Variants in MALRD1 observed in about 807,000 individuals in gnomAD.
The protein encoded by MALRD1 is MAM and LDL-receptor class A domain-containing protein 1.
In MALRD1, 247 loss-of-function variants were observed where a neutral mutation model predicts 242.1. The observed-to-expected ratio is 1.02, with a 90% confidence interval of 0.92 to 1.13. The LOEUF (loss-of-function observed/expected upper bound fraction) is 1.13. Among genes scored for constraint, MALRD1 ranks in the 50% most tolerant of loss-of-function variants. The pLI is 0.00. For synonymous variants in MALRD1, 995 were observed against 866.6 expected, an observed-to-expected ratio of 1.15 and a Z score of -2.60; for missense variants, 2,989 against 2,533.1, an observed-to-expected ratio of 1.18 and a Z score of -3.86.
intron 27 of MALRD1, 83 bp from the exon 28 acceptor site, chr10:19,389,369 A>G (rs1223140391): frequency 1.4e-5 from 20 of 1,391,722 alleles, no homozygotes; most frequent in East Asian, 2.5e-5. Context: ...AATTGTAATT[A>G]AAGACCCTAA....
At chr10:19,466,222 A>G (rs1836212049) in intron 29 of MALRD1, among the ~76,000 whole-genome samples, 1 of 152,086 alleles carries the variant, frequency 6.6e-6, no homozygotes, top group South Asian at 2.1e-4. Context: ...CATTAACTAT[A>G]TTAACCTTTT....
chr10:19,649,002 G>C (rs1364550316), intron 36 of MALRD1, among the ~76,000 whole-genome samples: 1 of 152,112 alleles, frequency 6.6e-6, no homozygotes, highest in South Asian at 2.1e-4. Flanking sequence ...TTGGTTTCCT[G>C]TTCCTGCGTT....
intron 21 of MALRD1, among the ~76,000 whole-genome samples, chr10:19,318,402 C>T (rs975475419): frequency 6.6e-6 from 1 of 151,266 alleles, no homozygotes; most frequent in Admixed American, 6.6e-5. Flanking sequence ...AGGGGTATTT[C>T]AGAGATATAT....
chr10:19,653,850 T>C (rs1475285425), intron 36 of MALRD1, among the ~76,000 whole-genome samples: 1 of 152,160 alleles, frequency 6.6e-6, no homozygotes, highest in Non-Finnish European at 1.5e-5. Flanking sequence ...TTCTCCTCTA[T>C]TTTTTTGAGA....
intron 28 of MALRD1, among the ~76,000 whole-genome samples, chr10:19,396,930 A>G (rs1846610584): frequency 6.6e-6 from 1 of 152,212 alleles, no homozygotes; most frequent in Non-Finnish European, 1.5e-5. Flanking sequence ...TTTTAAAATC[A>G]TGCTTAATAT....
At chr10:19,554,076 G>A (rs1835608523) in intron 32 of MALRD1, among the ~76,000 whole-genome samples, 1 of 152,182 alleles carries the variant, frequency 6.6e-6, no homozygotes. Flanking sequence ...CAGGCAGTAA[G>A]CAGAAGATGT....
At chr10:19,538,436 T>C (rs1834782806) in intron 32 of MALRD1, among the ~76,000 whole-genome samples, 1 of 152,190 alleles carries the variant, frequency 6.6e-6, no homozygotes, top group African/African-American at 2.4e-5. Flanking sequence ...CTTTCTGTCT[T>C]TCAGTTACCT....
chr10:19,477,820 TC>T (rs1324140115), intron 29 of MALRD1, among the ~76,000 whole-genome samples: 3 of 152,174 alleles, frequency 2.0e-5, no homozygotes, highest in African/African-American at 7.2e-5. Flanking sequence ...AAGCTGGTCA[TC>T]CCACCGTAAT....
intron 5 of MALRD1, among the ~76,000 whole-genome samples, chr10:19,117,532 A>G (rs1008103557): frequency 6.0e-4 from 92 of 152,208 alleles, no homozygotes; most frequent in African/African-American, 2.1e-3. Flanking sequence ...TTAGTTATGT[A>G]GCTCTAGGGA....
chr10:19,542,873 T>A (rs1399904506), intron 32 of MALRD1, among the ~76,000 whole-genome samples: 1 of 152,192 alleles, frequency 6.6e-6, no homozygotes, highest in Non-Finnish European at 1.5e-5. Flanking sequence ...TTTTTATGTG[T>A]TGAAGTTATG....
At chr10:19,709,244 A>G (rs1181579315) in intron 38 of MALRD1, among the ~76,000 whole-genome samples, 2 of 24,066 alleles carry the variant, frequency 8.3e-5, no homozygotes, top group Middle Eastern at 0.017. Context: ...CGTCTGTACT[A>G]AAAAAAAAAA....
At chr10:19,240,896 C>A (rs1004435175) in intron 18 of MALRD1, among the ~76,000 whole-genome samples, 1 of 152,096 alleles carries the variant, frequency 6.6e-6, no homozygotes, top group Non-Finnish European at 1.5e-5. Flanking sequence ...GCCATCCTTT[C>A]ATCCCTGGGA....
At chr10:19,620,142 G>A (rs12255405) in intron 36 of MALRD1, among the ~76,000 whole-genome samples, 17,132 of 151,926 alleles carry the variant, frequency 0.11, 2,533 homozygotes, top group African/African-American at 0.34. Flanking sequence ...CAAAGTGTTA[G>A]TTTAAGGAGG....
intron 1 of MALRD1, among the ~76,000 whole-genome samples, chr10:19,064,743 C>A (rs182240755): frequency 7.1e-6 from 1 of 141,710 alleles, no homozygotes; most frequent in African/African-American, 2.6e-5. Context: ...GCACTTCAGC[C>A]TGGGCGACAG....
intron 28 of MALRD1, among the ~76,000 whole-genome samples, chr10:19,400,129 A>G (rs1190559135): frequency 6.6e-6 from 1 of 152,178 alleles, no homozygotes; most frequent in Non-Finnish European, 1.5e-5. Context: ...ACTATCATGG[A>G]GCTTGTGAGT....
chr10:19,589,937 A>T (rs1437668427), intron 33 of MALRD1, among the ~76,000 whole-genome samples: 2 of 152,178 alleles, frequency 1.3e-5, no homozygotes, highest in Non-Finnish European at 2.9e-5. Flanking sequence ...AATGAACAAC[A>T]ACATGAATTC....
At chr10:19,603,797 G>T (rs935925374) in intron 34 of MALRD1, among the ~76,000 whole-genome samples, 2 of 152,096 alleles carry the variant, frequency 1.3e-5, no homozygotes, top group Non-Finnish European at 2.9e-5. Flanking sequence ...ATGGTGATCT[G>T]TGATCAGTGA....
chr10:19,427,663 T>C (rs1833953237), intron 28 of MALRD1, among the ~76,000 whole-genome samples: 1 of 152,156 alleles, frequency 6.6e-6, no homozygotes, highest in Non-Finnish European at 1.5e-5. Flanking sequence ...TCCTTATTTG[T>C]AAAATGGATA....
intron 34 of MALRD1, among the ~76,000 whole-genome samples, chr10:19,602,784 A>G (rs1020994750): frequency 8.5e-5 from 13 of 152,146 alleles, no homozygotes; most frequent in Non-Finnish European, 1.2e-4. Flanking sequence ...GTCTTCCACA[A>G]TGGTTGAACT....
Sources: gnomAD v4.1 joint callset for allele counts (sites outside exome capture counted in the v4.1 genomes callset) on GRCh38, gnomAD v4.1.1 for gene constraint, MANE v1.5 for transcripts, NCBI Gene and HGNC (gene_info 2026-07-23, HGNC 2026-07-21) for gene names.